Variants in NOX3 observed in about 807,000 individuals in gnomAD.
NOX3 encodes NADPH oxidase catalytic subunit-like 3.
In NOX3, 74 loss-of-function variants were observed where a neutral mutation model predicts 76.7. That is an observed-to-expected ratio of 0.96 (90% CI 0.80 to 1.17). NOX3 has a LOEUF of 1.17. Among genes scored for constraint, NOX3 ranks in the 50% most tolerant of loss-of-function variants. NOX3 has a pLI of 0.00. For missense variants in NOX3, 695 were observed against 703.3 expected, an observed-to-expected ratio of 0.99 and a Z score of 0.13; for synonymous variants, 263 against 261.1, an observed-to-expected ratio of 1.01 and a Z score of -0.07.
At position 155,455,052 on chromosome 6, in the gene NOX3, G is replaced by A. The variant is rs1582951714; in HGVS notation, c.126C>T (p.Tyr42=). Residue 42 remains tyrosine (Y), a synonymous_variant, in exon 2 of 14, where the codon TAC becomes TAT. Transcript: ENST00000159060. ...TACTTACACCCAAAATAACTCGTGT[G>A]TAATGGAAAGACTCCTCCTCTTCAT... ...YWYEEEESFH[Y]TRVILGSTLA... is the part of the protein sequence containing the mutation. The A allele has an allele frequency of 5.0e-6, 8 of 1,611,964 alleles. No individual in the cohort carries two copies. The highest frequency in any genetic ancestry group is 6.8e-6 in the Non-Finnish European group (8 of 1,178,344).
At position 155,428,940 on chromosome 6, in the gene NOX3, C is replaced by T. The variant is rs996842938; in HGVS notation, c.999G>A (p.Leu333=). ...AGGTAAGGGTGAAGGGGTGCCACTCCAGCGAAGATATGGCTGGGCACTGCA... is the reference window on the plus strand; with the variant it reads ...AGGTAAGGGTGAAGGGGTGCCACTCTAGCGAAGATATGGCTGGGCACTGCA... ...ILVQCPAISS[L]EWHPFTLTSA... is the part of the protein sequence containing the mutation. The change falls in exon 9 of 14, where the codon CTG becomes CTA. Residue 333 remains leucine, a synonymous_variant. Coordinates refer to ENST00000159060, the MANE Select transcript of NOX3 (RefSeq NM_015718.3). 1.9e-6 allele frequency: 3 copies of T among 1,614,000 alleles called. No individual in the cohort carries two copies. Among genetic ancestry groups the T allele is most frequent in the Non-Finnish European group, 2.5e-6 (3 of 1,179,960 alleles).
chr6:155,421,720 C>T (rs111348817), intron 10 of NOX3, among the ~76,000 whole-genome samples: 2,327 of 152,208 alleles, frequency 0.015, 57 homozygotes, highest in African/African-American at 0.053. Flanking sequence ...GCGTCAAACT[C>T]CTGGCCTCAA....
chr6:155,425,423 T>C (rs1009994769), intron 9 of NOX3, among the ~76,000 whole-genome samples: 1 of 152,150 alleles, frequency 6.6e-6, no homozygotes, highest in African/African-American at 2.4e-5. Context: ...CTTGCCTGCA[T>C]CCCTGTCCTG....
intron 10 of NOX3, among the ~76,000 whole-genome samples, chr6:155,412,488 G>A (rs231936): frequency 0.022 from 3,400 of 152,200 alleles, 59 homozygotes; most frequent in African/African-American, 0.05. Context: ...TGAGAATAAG[G>A]CCTCTTCTTT....
chr6:155,425,904 G>A (rs972413674), intron 9 of NOX3, among the ~76,000 whole-genome samples: 1 of 152,094 alleles, frequency 6.6e-6, no homozygotes, highest in East Asian at 1.9e-4. Flanking sequence ...CTTTTTCTTG[G>A]GTTTAGAGGA....
At position 155,455,644 on chromosome 6, in the gene NOX3, TAACTA is replaced by T. The variant is rs2114713595; in HGVS notation, c.48+104_48+108del. 6.6e-6 allele frequency: 5 copies of T among 755,278 alleles called. No homozygotes were observed. In the East Asian group the frequency reaches 1.4e-4, roughly 20 times the overall value. The allele number at this position is 755,278 out of a possible 1,614,324, so 46.8% of individuals were successfully genotyped here. On this transcript the variant is annotated intron_variant, in intron 1 of 13. Coordinates refer to ENST00000159060, the MANE Select transcript of NOX3 (RefSeq NM_015718.3). ...TGTTTTCTAACAAGTTTTAGTCTTT[TAACTA>T]GAGTAATACTTCAAGCTATTTAGCG...
chr6:155,406,135 A>G (rs1036135348), intron 12 of NOX3, among the ~76,000 whole-genome samples: 1 of 152,238 alleles, frequency 6.6e-6, no homozygotes, highest in East Asian at 1.9e-4. Context: ...TAATGAAGAC[A>G]ATATTAGGAC....
At chr6:155,452,839 C>A (rs1270182996) in intron 4 of NOX3, among the ~76,000 whole-genome samples, 2 of 152,104 alleles carry the variant, frequency 1.3e-5, no homozygotes. Flanking sequence ...TTAACCTTGG[C>A]CTTGGGTGCT....
intron 9 of NOX3, among the ~76,000 whole-genome samples, chr6:155,424,470 C>G (rs1436954399): frequency 1.3e-5 from 2 of 152,180 alleles, no homozygotes; most frequent in Non-Finnish European, 2.9e-5. Context: ...CAAAGATATG[C>G]TAATTAAAAG....
chr6:155,454,902 C>G lies in NOX3; in HGVS notation c.164G>C (p.Arg55Pro), dbSNP rs774030187. Residue 55 changes from arginine to proline, a missense_variant, in exon 3 of 14, where the codon CGA becomes CCA. Arg to Pro is a moderately radical substitution (Grantham distance 103). Transcript: ENST00000159060. ...VILGSTLAWARASALCLNFNC... is the reference protein window; with the variant it reads ...VILGSTLAWAPASALCLNFNC... ...AAAATTCAGGCACAGTGCGGATGCTCGTGCCCAAGCCAGTGTTGACTGTCC... is the reference window on the plus strand; with the variant it reads ...AAAATTCAGGCACAGTGCGGATGCTGGTGCCCAAGCCAGTGTTGACTGTCC... 1 of 1,610,798 alleles carries G rather than the reference C, an allele frequency of 6.2e-7. No individual in the cohort carries two copies. The highest frequency in any genetic ancestry group is 8.5e-7 in the Non-Finnish European group (1 of 1,178,852).
chr6:155,401,724 A>G (rs2114674189), intron 12 of NOX3, among the ~76,000 whole-genome samples: 1 of 152,154 alleles, frequency 6.6e-6, no homozygotes, highest in Non-Finnish European at 1.5e-5. Flanking sequence ...AAACTGTTCT[A>G]ACAAATGGTA....
At chr6:155,448,791 G>C (rs1199022155) in intron 4 of NOX3, among the ~76,000 whole-genome samples, 1 of 152,112 alleles carries the variant, frequency 6.6e-6, no homozygotes, top group Non-Finnish European at 1.5e-5. Context: ...TGTCCTTGCT[G>C]TCTTTCTGCC....
chr6:155,437,733 G>A (rs927055636), intron 6 of NOX3, among the ~76,000 whole-genome samples: 1 of 152,194 alleles, frequency 6.6e-6, no homozygotes, highest in Non-Finnish European at 1.5e-5. Flanking sequence ...TCTAAAAGAA[G>A]CCTCATATCA....
chr6:155,442,172 G>A (rs770668470), intron 5 of NOX3, among the ~76,000 whole-genome samples: 75 of 152,284 alleles, frequency 4.9e-4, no homozygotes, highest in Middle Eastern at 3.4e-3. Flanking sequence ...GCTGAGGCAG[G>A]AGAATAGCGT....
At chr6:155,439,658 G>T (rs1449277972) in intron 6 of NOX3, among the ~76,000 whole-genome samples, 1 of 152,106 alleles carries the variant, frequency 6.6e-6, no homozygotes, top group East Asian at 1.9e-4. Context: ...GGCAGAACAG[G>T]TACTGAATGA....
At position 155,411,245 on chromosome 6, in the gene NOX3, T is replaced by C. The variant is rs766867751; in HGVS notation, c.1424A>G (p.His475Arg). 73 of 1,613,980 alleles carry C rather than the reference T, an allele frequency of 4.5e-5. No homozygotes were observed. The highest frequency in any genetic ancestry group is 5.6e-5 in the Non-Finnish European group (66 of 1,179,980). ...EQGKTHFLSY[H>R]IFLTGWDENQ... ...TTCATCCCAGCCGGTAAGAAATATA[T>C]GATAACTCAGAAAGTGAGTTTTCCC... Residue 475 changes from histidine (H) to arginine (R), a missense_variant, in exon 11 of 14, where the codon CAT becomes CGT. Physicochemically the swap from His to Arg is conservative, Grantham distance 29. Coordinates refer to ENST00000159060, the MANE Select transcript of NOX3 (RefSeq NM_015718.3).
chr6:155,442,723 G>A (rs891324477), intron 5 of NOX3, among the ~76,000 whole-genome samples: 1 of 152,210 alleles, frequency 6.6e-6, no homozygotes, highest in African/African-American at 2.4e-5. Flanking sequence ...GTGCACACAG[G>A]TAATTAGCAT....
At chr6:155,454,020 C>T (rs1033741735) in intron 3 of NOX3, among the ~76,000 whole-genome samples, 1 of 152,060 alleles carries the variant, frequency 6.6e-6, no homozygotes, top group Non-Finnish European at 1.5e-5. Context: ...TATATTTATA[C>T]CATCCTGTAG....
chr6:155,445,225 C>T (rs1163206883), intron 4 of NOX3, among the ~76,000 whole-genome samples: 2 of 152,134 alleles, frequency 1.3e-5, no homozygotes, highest in Non-Finnish European at 2.9e-5. Context: ...GAATTCATTG[C>T]CCGGGGTATA....
Sources: gnomAD v4.1 joint callset for allele counts (sites outside exome capture counted in the v4.1 genomes callset) on GRCh38, gnomAD v4.1.1 for gene constraint, MANE v1.5 for transcripts, NCBI Gene and HGNC (gene_info 2026-07-23, HGNC 2026-07-21) for gene names.